PDIA2: variants seen among roughly 807,000 people sequenced by gnomAD.
The protein encoded by PDIA2 is protein disulfide isomerase family A member 2.
PDIA2 carries 76 observed loss-of-function variants against 51.1 expected under a neutral mutation model. That is an observed-to-expected ratio of 1.49 (90% confidence interval 1.24 to 1.80). PDIA2 has a LOEUF of 1.80. Among genes scored for constraint, PDIA2 ranks in the 40% most tolerant of loss-of-function variants. The pLI, the probability that PDIA2 is intolerant of heterozygous loss-of-function variation, is 0.00. For missense variants in PDIA2, 946 were observed against 706.5 expected (o/e 1.34, Z -3.84); for synonymous variants, 429 against 309.9 (o/e 1.38, Z -4.04).
In PDIA2 at chr16:286,556, G is replaced by T; in HGVS notation, c.1243G>T (p.Ala415Ser). 6.2e-7 allele frequency: 1 copy of T among 1,612,856 alleles called. No homozygotes were observed. Among genetic ancestry groups the T allele is most frequent in the Non-Finnish European group, 8.5e-7 (1 of 1,179,930 alleles). Residue 415 changes from alanine (A) to serine (S), a missense_variant and splice_region_variant, in exon 9 of 11, where the codon GCC becomes TCC. Coordinates refer to ENST00000219406, the MANE Select transcript of PDIA2 (RefSeq NM_006849.4). ...ETKNVFVKFYAPWCTHCKEMA... is the reference protein window; with the variant it reads ...ETKNVFVKFYSPWCTHCKEMA... ...GTGCTCAACGGCTCCCATCCTAGATGCCCCGTGGTGCACCCACTGCAAGGA... is the reference window on the plus strand; with the variant it reads ...GTGCTCAACGGCTCCCATCCTAGATTCCCCGTGGTGCACCCACTGCAAGGA...
chr16:286,527 G>A, intron 8 of PDIA2, 27 bp from the exon 9 acceptor site: 1 of 1,612,692 alleles, frequency 6.2e-7, no homozygotes, highest in Non-Finnish European at 8.5e-7. Context: ...CTGCCCAGAT[G>A]GCTGTGCTCA....
Position 286,549 on chromosome 16 carries a change from C to T in PDIA2, c.1241-5C>T, listed in dbSNP as rs781232921. 18 of 1,612,600 alleles carry T rather than the reference C, an allele frequency of 1.1e-5. No individual in the cohort carries two copies. The highest frequency in any genetic ancestry group is 1.0e-4 in the Admixed American group (6 of 59,984). On this transcript the variant is annotated splice_polypyrimidine_tract_variant and splice_region_variant and intron_variant, in intron 8 of 10. Transcript: ENST00000219406. ...GATGGCTGTGCTCAACGGCTCCCAT[C>T]CTAGATGCCCCGTGGTGCACCCACT...
intron 5 of PDIA2, 33 bp downstream of exon 5, chr16:285,233 TC>T: frequency 6.2e-7 from 1 of 1,612,436 alleles, no homozygotes. Flanking sequence ...GCTGGGGGTG[TC>T]CCAGGGTAGA....
Position 285,645 on chromosome 16 carries a change from C to A in PDIA2, c.1061C>A (p.Pro354His), listed in dbSNP as rs760509474. 6.2e-7 allele frequency: 1 copy of A among 1,613,194 alleles called. No individual in the cohort carries two copies. Among genetic ancestry groups the A allele is most frequent in the Non-Finnish European group, 8.5e-7 (1 of 1,179,966 alleles). The change falls in exon 7 of 11, where the codon CCT (proline) becomes CAT (histidine). Residue 354 changes from proline (P) to histidine (H), a missense_variant. Pro to His is a moderately conservative substitution (Grantham distance 77, BLOSUM62 -2). Coordinates refer to ENST00000219406, the MANE Select transcript of PDIA2 (RefSeq NM_006849.4). Reference protein sequence around the residue: ...TKKYAPVDGGPVTAASITAFC... With the variant: ...TKKYAPVDGGHVTAASITAFC... ...AAGTATGCGCCTGTGGATGGGGGCC[C>A]TGTCACCGCAGCGTCCATCACTGCT...
At chr16:285,977 C>T (rs1391461326) in intron 7 of PDIA2, among the ~76,000 whole-genome samples, 1 of 56,570 alleles carries the variant, frequency 1.8e-5, no homozygotes, top group East Asian at 3.2e-4. Context: ...CCCAACCCCG[C>T]GGTTCTCCCA....
At position 285,357 on chromosome 16, in the gene PDIA2, CTGTT is replaced by C; in HGVS notation, c.845_848del (p.Phe282SerfsTer12). On this transcript the variant is annotated frameshift_variant, in exon 6 of 11. Coordinates refer to ENST00000219406, the MANE Select transcript of PDIA2 (RefSeq NM_006849.4). LOFTEE classifies it high-confidence loss of function. ...GGCCAGGATCCTCAACCACCTGCTG[CTGTT>C]TGTCAACCAGACGCTGGCTGCGCAC... 1.2e-6 allele frequency: 2 copies of C among 1,612,910 alleles called. No individual in the cohort carries two copies. Among genetic ancestry groups the C allele is most frequent in the Non-Finnish European group, 8.5e-7 (1 of 1,179,922 alleles).
Position 284,886 on chromosome 16 carries a change from G to T in PDIA2, c.549G>T (p.Gln183His). Residue 183 changes from glutamine to histidine, a missense_variant, in exon 4 of 11, where the codon CAG (glutamine) becomes CAT (histidine). Physicochemically the swap from Gln to His is conservative, Grantham distance 24. Coordinates refer to ENST00000219406, the MANE Select transcript of PDIA2 (RefSeq NM_006849.4). ...AGGGCCAGGCCCCTCAGGACCTGCA[G>T]GACGAGGACGTGGCCACCTTCTTGG... Reference protein sequence around the residue: ...LVVIGFFQDLQDEDVATFLAL... With the variant: ...LVVIGFFQDLHDEDVATFLAL... The T allele has an allele frequency of 6.2e-7, 1 of 1,612,592 alleles. No homozygotes were observed. The highest frequency in any genetic ancestry group is 8.5e-7 in the Non-Finnish European group (1 of 1,179,652).
chr16:285,960 C>T (rs1185597038), intron 7 of PDIA2, among the ~76,000 whole-genome samples: 4 of 59,588 alleles, frequency 6.7e-5, no homozygotes, highest in East Asian at 5.0e-4. Context: ...CCCAACCCCG[C>T]GGTTCTCCCA....
chr16:286,593 C>T lies in PDIA2; in HGVS notation c.1280C>T (p.Ala427Val), dbSNP rs1178492539. The T allele has an allele frequency of 3.1e-6, 5 of 1,612,762 alleles. No homozygotes were observed. Among genetic ancestry groups the T allele is most frequent in the African/African-American group, 2.7e-5 (2 of 74,908 alleles). ...ACCCACTGCAAGGAGATGGCCCCTG[C>T]CTGGGAGGCATTGGCTGAGAAGTAC... The part of the protein sequence containing the change: ...WCTHCKEMAP[A>V]WEALAEKYQD... The change falls in exon 9 of 11, where the codon GCC (alanine) becomes GTC (valine). Residue 427 changes from alanine (A) to valine (V), a missense_variant. Transcript: ENST00000219406.
At position 286,361 on chromosome 16, in the gene PDIA2, C is replaced by G. The variant is rs1433298401; in HGVS notation, c.1128C>G (p.Leu376=). The change falls in exon 8 of 11, where the codon CTC becomes CTG. Residue 376 remains leucine, a synonymous_variant. Coordinates refer to ENST00000219406, the MANE Select transcript of PDIA2 (RefSeq NM_006849.4). The stretch of plus-strand genomic sequence containing the variant: ...GTCCTGGTTTCCCCCAGCCCTATCT[C>G]CTGAGCCAGGAGATACCCCCTGATT... ...AVLNGQVKPY[L]LSQEIPPDWD... The G allele has an allele frequency of 6.4e-7, 1 of 1,572,486 alleles. No individual in the cohort carries two copies. The highest frequency in any genetic ancestry group is 1.1e-5 in the South Asian group (1 of 90,284).
At chr16:286,007 C>CCCAACCCCGCGGTTCT (rs1409787455) in intron 7 of PDIA2, among the ~76,000 whole-genome samples, 6 of 131,844 alleles carry the variant, frequency 4.6e-5, no homozygotes, top group East Asian at 4.3e-4. Context: ...TTCTCCCAAC[C>CCCAACCCCGCGGTTCT]CCAACCCCGC....
chr16:283,428 G>T, intron 1 of PDIA2, 60 bp downstream of exon 1: 2 of 1,494,124 alleles, frequency 1.3e-6, no homozygotes, highest in Non-Finnish European at 1.8e-6. Flanking sequence ...CCCACCTGGG[G>T]GCCCCACCCT....
At chr16:285,817 G>T in intron 7 of PDIA2, 114 bp downstream of exon 7, 1 of 1,206,140 alleles carries the variant, frequency 8.3e-7, no homozygotes, top group South Asian at 1.4e-5. Flanking sequence ...CCCCGCAGAG[G>T]CCCCCCTCAA....
chr16:285,515 G>T lies in PDIA2; in HGVS notation c.931G>T (p.Val311Leu). ...APRFRGQVLFVVVDVAADNEH... is the reference protein window; with the variant it reads ...APRFRGQVLFLVVDVAADNEH... ...GGACTCCCTGCCACAGGTGCTGTTC[G>T]TGGTGGTGGACGTGGCGGCCGACAA... The change falls in exon 7 of 11, where the codon GTG becomes TTG. Residue 311 changes from valine (V) to leucine (L), a missense_variant. Physicochemically the swap from Val to Leu is conservative, Grantham distance 32. Transcript: ENST00000219406. 1 of 1,612,976 alleles carries T rather than the reference G, an allele frequency of 6.2e-7. No homozygotes were observed. The highest frequency in any genetic ancestry group is 8.5e-7 in the Non-Finnish European group (1 of 1,179,944).
chr16:284,879 A>C lies in PDIA2; in HGVS notation c.542A>C (p.Asp181Ala). The C allele has an allele frequency of 1.2e-6, 2 of 1,612,346 alleles. No homozygotes were observed. The highest frequency in any genetic ancestry group is 2.2e-5 in the East Asian group (1 of 44,864). Residue 181 changes from aspartate (D) to alanine (A), a missense_variant and splice_region_variant, in exon 4 of 11, where the codon GAC (aspartate) becomes GCC (alanine). Transcript: ENST00000219406. ...RDLVVIGFFQ[D>A]LQDEDVATFL... ...GCCTCACAGGGCCAGGCCCCTCAGGACCTGCAGGACGAGGACGTGGCCACC... is the reference window on the plus strand; with the variant it reads ...GCCTCACAGGGCCAGGCCCCTCAGGCCCTGCAGGACGAGGACGTGGCCACC...
At chr16:285,287 G>A (rs868813805) in intron 5 of PDIA2, 25 bp from the exon 6 acceptor site, 1 of 1,612,378 alleles carries the variant, frequency 6.2e-7, no homozygotes, top group African/African-American at 1.3e-5. Context: ...GTCCTGTGGA[G>A]TCATGAGCAC....
chr16:285,108 C>T lies in PDIA2; in HGVS notation c.703C>T (p.Pro235Ser), dbSNP rs1356578822. Reference sequence around the variant, plus strand: ...GTTTGATGAGGGGCGGGCAGACTTCCCCGTGGACGAGGAGCTTGGCCTGGA... The same window carrying T: ...GTTTGATGAGGGGCGGGCAGACTTCTCCGTGGACGAGGAGCTTGGCCTGGA... ...KKFDEGRADF[P>S]VDEELGLDLG... Residue 235 changes from proline (P) to serine (S), a missense_variant, in exon 5 of 11, where the codon CCC becomes TCC. Physicochemically the swap from Pro to Ser is moderately conservative, Grantham distance 74. Coordinates refer to ENST00000219406, the MANE Select transcript of PDIA2 (RefSeq NM_006849.4). 6.2e-7 allele frequency: 1 copy of T among 1,612,926 alleles called. No individual in the cohort carries two copies. The highest frequency in any genetic ancestry group is 8.5e-7 in the Non-Finnish European group (1 of 1,180,004).
At position 287,192 on chromosome 16, in the gene PDIA2, A is replaced by C; in HGVS notation, c.*79A>C. On this transcript the variant is annotated 3_prime_UTR_variant, in exon 11 of 11. Transcript: ENST00000219406. The stretch of plus-strand genomic sequence containing the variant: ...TACCAGAGGGAGCTGTGCATTGTGA[A>C]TAAAGAGTGAGCTTGGTTCTGGACT... 1.3e-6 allele frequency: 2 copies of C among 1,568,766 alleles called. No homozygotes were observed. The highest frequency in any genetic ancestry group is 1.8e-6 in the Non-Finnish European group (2 of 1,142,750).
rs773715402 is a variant in PDIA2, at chr16:287,125, T to TCACCCCCGCCATCACTGCTGGACAGGAGC, written c.*20_*48dup. 1.2e-6 allele frequency: 2 copies of TCACCCCCGCCATCACTGCTGGACAGGAGC among 1,612,596 alleles called. No individual in the cohort carries two copies. The highest frequency in any genetic ancestry group is 2.2e-5 in the South Asian group (2 of 91,076). On this transcript the variant is annotated 3_prime_UTR_variant, in exon 11 of 11. Transcript: ENST00000219406. ...AGGAGGAACTGTAGCTGCCCCCGTG[T>TCACCCCCGCCATCACTGCTGGACAGGAGC]CACCCCCGCCATCACTGCTGGACAG...
Sources: gnomAD v4.1 joint callset for allele counts (sites outside exome capture counted in the v4.1 genomes callset) on GRCh38, gnomAD v4.1.1 for gene constraint, MANE v1.5 for transcripts, NCBI Gene and HGNC (gene_info 2026-07-23, HGNC 2026-07-21) for gene names.